The following CACNA2D4 variants were observed in gnomAD, a reference collection of about 807,000 sequenced individuals.
The protein encoded by CACNA2D4 is voltage-dependent calcium channel subunit alpha-2/delta-4.
A neutral mutation model predicts 163.8 loss-of-function variants in CACNA2D4; 157 were observed. The ratio of observed to expected loss-of-function variants is 0.96; its 90% confidence interval spans 0.84 to 1.09. CACNA2D4 has a LOEUF of 1.09. CACNA2D4 is among the 50% of genes least tolerant of loss of function. The pLI is 0.00. For missense variants in CACNA2D4, 1,410 were observed against 1,479.9 expected, an observed-to-expected ratio of 0.95 and a Z score of 0.78; for synonymous variants, 598 against 586.9, an observed-to-expected ratio of 1.02 and a Z score of -0.27.
rs1032144416 is a variant in CACNA2D4, at chr12:1,860,002, A to T, written c.1940+143T>A. 4 of 652,566 alleles carry T rather than the reference A, an allele frequency of 6.1e-6. No individual in the cohort carries two copies. The African/African-American group carries it at 7.3e-5, about 12-fold the overall frequency. The allele number at this position is 652,566 out of a possible 1,614,324, so 40.4% of individuals were successfully genotyped here. Reference sequence around the variant, plus strand: ...CTCTGGAACCTGCATTCTAGGCTACACTGGCAAAGCAGGTCTACACCTCAA... The same window carrying T: ...CTCTGGAACCTGCATTCTAGGCTACTCTGGCAAAGCAGGTCTACACCTCAA... On this transcript the variant is annotated intron_variant, in intron 19 of 37. Transcript: ENST00000382722.
intron 22 of CACNA2D4, among the ~76,000 whole-genome samples, chr12:1,854,812 C>T (rs1195640761): frequency 6.6e-6 from 1 of 152,186 alleles, no homozygotes; most frequent in Non-Finnish European, 1.5e-5. Context: ...CATGGAGGCT[C>T]TTTCTTTTTC....
At chr12:1,916,742 T>C (rs1395472471) in intron 1 of CACNA2D4, among the ~76,000 whole-genome samples, 2 of 152,072 alleles carry the variant, frequency 1.3e-5, no homozygotes, top group Non-Finnish European at 2.9e-5. Context: ...GGATTGGGCA[T>C]GAGGAGGGCT....
rs576664558 is a variant in CACNA2D4 at position 1,800,267 on chromosome 12, C to T, written c.2921+119G>A. On this transcript the variant is annotated intron_variant, in intron 32 of 37. Coordinates refer to ENST00000382722, the MANE Select transcript of CACNA2D4 (RefSeq NM_172364.5). The stretch of plus-strand genomic sequence containing the variant: ...ATGCCCAGGGATTGTGCCCTCCTTC[C>T]CCGGGGTCTGGTAGCAAGTGGGTTG... The T allele has an allele frequency of 1.0e-5, 12 of 1,165,424 alleles. No homozygotes were observed. In the East Asian group the frequency reaches 2.5e-4, roughly 24 times the overall value. 72.2% of individuals were successfully genotyped at this position (1,165,424 alleles called of 1,614,324 possible).
At chr12:1,870,478 T>A (rs1865745947) in intron 18 of CACNA2D4, among the ~76,000 whole-genome samples, 1 of 151,752 alleles carries the variant, frequency 6.6e-6, no homozygotes, top group Non-Finnish European at 1.5e-5. Flanking sequence ...TCTGCTTGAA[T>A]TCTAGCTGTT....
chr12:1,873,533 C>G (rs1370134774), intron 18 of CACNA2D4, among the ~76,000 whole-genome samples: 3 of 152,204 alleles, frequency 2.0e-5, no homozygotes, highest in African/African-American at 7.2e-5. Context: ...TAGCCACATT[C>G]AGATCTACCT....
At chr12:1,911,113 T>G (rs139931869) in intron 3 of CACNA2D4, among the ~76,000 whole-genome samples, 1 of 145,006 alleles carries the variant, frequency 6.9e-6, no homozygotes, top group Non-Finnish European at 1.5e-5. Flanking sequence ...AACCCCCTCC[T>G]CCCAGGTTCA....
At chr12:1,797,765 G>A (rs919550492) in intron 34 of CACNA2D4, 5 of 584,898 alleles carry the variant, frequency 8.5e-6, no homozygotes, top group African/African-American at 1.9e-5. Flanking sequence ...GGGGCCCTGA[G>A]CCTCGGTGGA....
At position 1,834,683 on chromosome 12, in the gene CACNA2D4, G is replaced by T; in HGVS notation, c.2551+6056C>A. The T allele has an allele frequency of 6.2e-7, 1 of 1,601,882 alleles. No homozygotes were observed. On this transcript the variant is annotated intron_variant, in intron 26 of 37. Transcript: ENST00000382722. This position sits in a 1 kb window ranked among gnomAD's most constrained non-coding sequence, Gnocchi z 7.6. ...GCCCCTGATGGGGGACCCCGAGGGC[G>T]AGCACGAGGACCAGAAGCAGATCTC...
At chr12:1,857,664 A>G (rs1865430390) in intron 20 of CACNA2D4, among the ~76,000 whole-genome samples, 3 of 152,074 alleles carry the variant, frequency 2.0e-5, no homozygotes, top group Non-Finnish European at 4.4e-5. Context: ...GGGCCACAGT[A>G]AGTCACCGGC....
At position 1,799,975 on chromosome 12, in the gene CACNA2D4, T is replaced by C. The variant is rs536892052; in HGVS notation, c.2974+25A>G. 3 of 1,595,632 alleles carry C rather than the reference T, an allele frequency of 1.9e-6. No homozygotes were observed. The highest frequency in any genetic ancestry group is 2.7e-5 in the African/African-American group (2 of 74,518). ...CAAAATGCCACTGCTCTTCAGCACA[T>C]GGCCCTGCAGCTCCGTGCACTCACC... is the stretch of plus-strand genomic sequence containing the variant. On this transcript the variant is annotated intron_variant, in intron 33 of 37. Coordinates refer to ENST00000382722, the MANE Select transcript of CACNA2D4 (RefSeq NM_172364.5). The surrounding 1 kb of genome is among the most constrained non-coding windows in gnomAD (Gnocchi z 4.7).
At chr12:1,815,640 A>G (rs1377270167) in intron 26 of CACNA2D4, among the ~76,000 whole-genome samples, 1 of 144,292 alleles carries the variant, frequency 6.9e-6, no homozygotes, top group Non-Finnish European at 1.5e-5. Context: ...ATTTTTCTTG[A>G]GCTACGTAAG....
At chr12:1,866,284 AT>A in intron 18 of CACNA2D4, among the ~76,000 whole-genome samples, 1 of 152,096 alleles carries the variant, frequency 6.6e-6, no homozygotes, top group South Asian at 2.1e-4. Flanking sequence ...TGACTGATTA[AT>A]TTTTTCAATG....
At chr12:1,910,030 T>A in intron 3 of CACNA2D4, 65 bp from the exon 4 acceptor site, 1 of 1,367,432 alleles carries the variant, frequency 7.3e-7, no homozygotes, top group Non-Finnish European at 1.0e-6. Context: ...TTTCAGCAAG[T>A]GAAACAGTTG....
At chr12:1,794,423 C>G (rs901524948) in intron 37 of CACNA2D4, among the ~76,000 whole-genome samples, 2 of 152,214 alleles carry the variant, frequency 1.3e-5, no homozygotes, top group African/African-American at 2.4e-5. Context: ...CAATTCAAGT[C>G]TGACACTATT....
At position 1,798,582 on chromosome 12, in the gene CACNA2D4, G is replaced by A. The variant is rs1022104719; in HGVS notation, c.2996-1047C>T. On this transcript the variant is annotated intron_variant, in intron 34 of 37. Transcript: ENST00000382722. This position sits in a 1 kb window ranked among gnomAD's most constrained non-coding sequence, Gnocchi z 4.3. ...CCTGACAATGGCAGGGTTGAGTGGCGTCCCCAGGGTCACGCAGTGGAAGGG... is the reference window on the plus strand; with the variant it reads ...CCTGACAATGGCAGGGTTGAGTGGCATCCCCAGGGTCACGCAGTGGAAGGG... Among the ~76,000 whole-genome samples, 2 of 152,064 alleles carry A rather than the reference G, an allele frequency of 1.3e-5. No individual in the cohort carries two copies. Among genetic ancestry groups the A allele is most frequent in the Non-Finnish European group, 2.9e-5 (2 of 67,990 alleles).
intron 18 of CACNA2D4, among the ~76,000 whole-genome samples, chr12:1,864,183 GA>G (rs1323013305): frequency 6.6e-6 from 1 of 152,178 alleles, no homozygotes; most frequent in Non-Finnish European, 1.5e-5. Context: ...ACGGTGAGCC[GA>G]CCTTCAGGCT....
intron 26 of CACNA2D4, among the ~76,000 whole-genome samples, chr12:1,812,160 G>C (rs1863734507): frequency 6.6e-6 from 1 of 152,222 alleles, no homozygotes; most frequent in Non-Finnish European, 1.5e-5. Context: ...CGTTGCCCTA[G>C]CAACTCATGG....
At chr12:1,860,091 G>T in intron 19 of CACNA2D4, 54 bp downstream of exon 19, 9 of 1,421,074 alleles carry the variant, frequency 6.3e-6, no homozygotes, top group Non-Finnish European at 8.9e-6. Context: ...AATATGAGTT[G>T]CTGGTATTCA....
Position 1,918,184 on chromosome 12 carries a change from G to T in CACNA2D4, c.227+63C>A, listed in dbSNP as rs559153973. Reference sequence around the variant, plus strand: ...GGAGTGGGCAGAGGATGGAGGCCCAGCCCGGGAAGAAAGTGGGAAAGGGTG... The same window carrying T: ...GGAGTGGGCAGAGGATGGAGGCCCATCCCGGGAAGAAAGTGGGAAAGGGTG... On this transcript the variant is annotated intron_variant, in intron 1 of 37. Transcript: ENST00000382722. 1.4e-4 allele frequency: 178 copies of T among 1,284,540 alleles called. No individual in the cohort carries two copies. The African/African-American group carries it at 2.5e-3, about 18-fold the overall frequency. 79.6% of individuals were successfully genotyped at this position (1,284,540 alleles called of 1,614,324 possible).
Sources: gnomAD v4.1 joint callset for allele counts (sites outside exome capture counted in the v4.1 genomes callset) on GRCh38, gnomAD v4.1.1 for gene constraint, Gnocchi (gnomAD v3.1) non-coding constraint, MANE v1.5 for transcripts, NCBI Gene and HGNC (gene_info 2026-07-23, HGNC 2026-07-21) for gene names.